FLRT1: variants seen among roughly 807,000 people sequenced by gnomAD.
FLRT1 encodes the protein leucine-rich repeat transmembrane protein FLRT1.
A neutral mutation model predicts 30.9 loss-of-function variants in FLRT1; 14 were observed. The ratio of observed to expected loss-of-function variants is 0.45; its 90% CI spans 0.30 to 0.71. FLRT1 has a LOEUF of 0.71. Ranked by LOEUF, FLRT1 falls within the 30% of genes least tolerant of loss-of-function variation. The probability of loss-of-function intolerance (pLI) is 0.08; values close to 1 mark genes in which losing one functional copy is unlikely to be tolerated. For missense variants in FLRT1, 737 were observed against 949.2 expected, an observed-to-expected ratio of 0.78 and a Z score of 2.94; for synonymous variants, 368 against 430.4, an observed-to-expected ratio of 0.85 and a Z score of 1.80.
intron 1 of FLRT1, among the ~76,000 whole-genome samples, chr11:64,094,651 G>A (rs2701543): frequency 0.66 from 100,942 of 152,090 alleles, 35,114 homozygotes; most frequent in Non-Finnish European, 0.77. Context: ...CGGAGGCTCA[G>A]TGTGTGGCTG....
At chr11:64,116,079 T>A in intron 2 of FLRT1, 140 bp from the exon 3 acceptor site, 2 of 840,728 alleles carry the variant, frequency 2.4e-6, no homozygotes, top group Non-Finnish European at 3.5e-6. Context: ...AGGCCACTCC[T>A]CCAGCTTGAC....
chr11:64,095,368 C>T (rs952376162), intron 1 of FLRT1, among the ~76,000 whole-genome samples: 2 of 152,184 alleles, frequency 1.3e-5, no homozygotes, highest in African/African-American at 2.4e-5. Context: ...CAAAGTCTGG[C>T]CGCCTGGGCC....
chr11:64,036,854 C>G lies in FLRT1; in HGVS notation c.-1038+695C>G, dbSNP rs935244019. On this transcript the variant is annotated intron_variant, in intron 1 of 2. Coordinates refer to ENST00000682287, the MANE Select transcript of FLRT1 (RefSeq NM_013280.5). This position sits in a 1 kb window ranked among gnomAD's most constrained non-coding sequence, Gnocchi z 5.6. ...CTCAAGACAAGGAGGCGGCCCGACC[C>G]GGCGGCGCACGCCCCTCCTCGCGGG... Among the ~76,000 whole-genome samples, 4 of 152,164 alleles carry G rather than the reference C, an allele frequency of 2.6e-5. No individual in the cohort carries two copies. The highest frequency in any genetic ancestry group is 5.9e-5 in the Non-Finnish European group (4 of 68,020).
chr11:64,049,837 G>A (rs1487395632), intron 1 of FLRT1, among the ~76,000 whole-genome samples: 1 of 152,132 alleles, frequency 6.6e-6, no homozygotes, highest in African/African-American at 2.4e-5. Flanking sequence ...CTAGGGCTGG[G>A]GCCTGGCTGA....
At chr11:64,066,294 C>CAAAAAA (rs59963244) in intron 1 of FLRT1, among the ~76,000 whole-genome samples, 1 of 50,942 alleles carries the variant, frequency 2.0e-5, no homozygotes, top group Non-Finnish European at 4.3e-5. Flanking sequence ...GAGACTGTCT[C>CAAAAAA]AAAAAAAAAA....
At chr11:64,079,550 C>T (rs183031956) in intron 1 of FLRT1, among the ~76,000 whole-genome samples, 144 of 152,280 alleles carry the variant, frequency 9.5e-4, no homozygotes, top group African/African-American at 3.3e-3. Context: ...GTGAGAGAGA[C>T]CGCAGCCGCC....
intron 1 of FLRT1, among the ~76,000 whole-genome samples, chr11:64,045,488 C>T (rs1299996077): frequency 1.3e-5 from 2 of 152,276 alleles, no homozygotes; most frequent in Non-Finnish European, 2.9e-5. Flanking sequence ...TGGGCCCTGC[C>T]GTGGGGCAGC....
chr11:64,047,042 C>G (rs1248914003), intron 1 of FLRT1, among the ~76,000 whole-genome samples: 1 of 151,070 alleles, frequency 6.6e-6, no homozygotes, highest in South Asian at 2.1e-4. Flanking sequence ...CGCCCCAGTG[C>G]CCCCCCCGGC....
chr11:64,094,087 A>G (rs1335468181), intron 1 of FLRT1, among the ~76,000 whole-genome samples: 1 of 152,188 alleles, frequency 6.6e-6, no homozygotes, highest in Non-Finnish European at 1.5e-5. Context: ...ATCTGAGGTC[A>G]GGAGTTTGAG....
rs1012399273 is a variant in FLRT1, at chr11:64,111,806, T to A, written c.-49-4413T>A. ...GGCCAGTGTCCTTCCCAGTCCCCAA[T>A]GTAATGAAAGGTGAGGTGGTCAGAT... On this transcript the variant is annotated intron_variant, in intron 2 of 2. Coordinates refer to ENST00000682287, the MANE Select transcript of FLRT1 (RefSeq NM_013280.5). Among the ~76,000 whole-genome samples, 3 of 152,226 alleles carry A rather than the reference T, an allele frequency of 2.0e-5. No homozygotes were observed. In the South Asian group the frequency reaches 6.2e-4, roughly 32 times the overall value.
Position 64,082,140 on chromosome 11 carries a change from G to T in FLRT1, c.-1037-21054G>T, listed in dbSNP as rs976437534. Reference sequence around the variant, plus strand: ...CCAGGCCCTCCTGTGGCTGCGCCTGGAGCCTCCCGGGAGGGAGGCCAGAGC... The same window carrying T: ...CCAGGCCCTCCTGTGGCTGCGCCTGTAGCCTCCCGGGAGGGAGGCCAGAGC... On this transcript the variant is annotated intron_variant, in intron 1 of 2. Coordinates refer to ENST00000682287, the MANE Select transcript of FLRT1 (RefSeq NM_013280.5). This position sits in a 1 kb window ranked among gnomAD's most constrained non-coding sequence, Gnocchi z 4.5. The T allele has an allele frequency of 6.6e-6, 1 of 152,242 alleles. No homozygotes were observed. The highest frequency in any genetic ancestry group is 2.4e-5 in the African/African-American group (1 of 41,508). The allele number at this position is 152,242 out of a possible 1,614,324, so 9.4% of individuals were successfully genotyped here.
chr11:64,116,138 G>A (rs1944974500), intron 2 of FLRT1, 81 bp from the exon 3 acceptor site: 1 of 1,384,646 alleles, frequency 7.2e-7, no homozygotes, highest in Admixed American at 2.5e-5. Context: ...CAGGCTGGCA[G>A]GTGGGAGGGA....
chr11:64,079,118 C>T (rs1330250481), intron 1 of FLRT1, among the ~76,000 whole-genome samples: 2 of 108,146 alleles, frequency 1.8e-5, no homozygotes, highest in Non-Finnish European at 3.8e-5. Flanking sequence ...CAGTGGGGGG[C>T]GGTGGACGGG....
intron 1 of FLRT1, among the ~76,000 whole-genome samples, chr11:64,041,829 T>A (rs1943492769): frequency 6.6e-6 from 1 of 152,082 alleles, no homozygotes; most frequent in Non-Finnish European, 1.5e-5. Context: ...TGTCTGGCCC[T>A]AGGGACATGG....
Position 64,103,650 on chromosome 11 carries a change from G to A in FLRT1, c.-581G>A, listed in dbSNP as rs1944710031. 1 of 152,112 alleles carries A rather than the reference G, an allele frequency of 6.6e-6. No homozygotes were observed. The highest frequency in any genetic ancestry group is 1.5e-5 in the Non-Finnish European group (1 of 68,062). 9.4% of individuals were successfully genotyped at this position (152,112 alleles called of 1,614,324 possible). A position where few individuals can be genotyped will look rare whatever the true frequency, so the allele number is the denominator to read the frequency against. ...AGCCACGCAGAGGCCCTTCAGAAGA[G>A]GTGGCGGGCTGCAGACAAAAGGGCA... On this transcript the variant is annotated 5_prime_UTR_variant, in exon 2 of 3. Coordinates refer to ENST00000682287, the MANE Select transcript of FLRT1 (RefSeq NM_013280.5).
intron 1 of FLRT1, among the ~76,000 whole-genome samples, chr11:64,066,219 C>T (rs1423620826): frequency 6.7e-6 from 1 of 148,660 alleles, no homozygotes; most frequent in Non-Finnish European, 1.5e-5. Context: ...ATTGCGAGAA[C>T]CTGGGAGGCG....
In FLRT1 at chr11:64,117,620, C is replaced by T; in HGVS notation, c.1353C>T (p.Ile451=). ...IHVKALTADS[I]RITWKATLPA... is the part of the protein sequence containing the mutation. ...TGAAGGCCCTGACGGCAGACTCCATCCGCATCACGTGGAAGGCCACGCTCC... is the reference window on the plus strand; with the variant it reads ...TGAAGGCCCTGACGGCAGACTCCATTCGCATCACGTGGAAGGCCACGCTCC... The change falls in exon 3 of 3, where the codon ATC becomes ATT. Residue 451 remains isoleucine (I), a synonymous_variant. Transcript: ENST00000682287. 6.2e-7 allele frequency: 1 copy of T among 1,613,802 alleles called. No individual in the cohort carries two copies. The highest frequency in any genetic ancestry group is 8.5e-7 in the Non-Finnish European group (1 of 1,180,012).
chr11:64,064,560 T>C lies in FLRT1; in HGVS notation c.-1038+28401T>C, dbSNP rs1012732076. Among the ~76,000 whole-genome samples the C allele has an allele frequency of 2.0e-5, 3 of 152,042 alleles. No homozygotes were observed. Among genetic ancestry groups the C allele is most frequent in the Non-Finnish European group, 4.4e-5 (3 of 67,968 alleles). On this transcript the variant is annotated intron_variant, in intron 1 of 2. Transcript: ENST00000682287. The surrounding 1 kb of genome is among the most constrained non-coding windows in gnomAD (Gnocchi z 4.5). ...GCATGGTCCTTGCCTGAGTCCTGCC[T>C]GCTGGCTGACACGGAGCTGGCTTTC...
intron 1 of FLRT1, among the ~76,000 whole-genome samples, chr11:64,101,589 A>C (rs1481917352): frequency 3.9e-5 from 6 of 152,112 alleles, no homozygotes; most frequent in Non-Finnish European, 1.5e-5. Flanking sequence ...GGATGACCTC[A>C]CTGGACTTTT....
Sources: allele counts gnomAD v4.1 joint callset (sites outside exome capture counted in the v4.1 genomes callset), GRCh38; gene constraint gnomAD v4.1.1; non-coding constraint Gnocchi (gnomAD v3.1); transcripts MANE v1.5; gene names NCBI Gene and HGNC (gene_info 2026-07-23, HGNC 2026-07-21).